TACR2: variants seen among roughly 807,000 people sequenced by gnomAD.
TACR2 encodes the protein tachykinin receptor 2, also known as substance-K receptor.
In TACR2, 24 loss-of-function variants were observed where a neutral mutation model predicts 28.9. The ratio of observed to expected loss-of-function variants is 0.83; its 90% CI spans 0.60 to 1.17. TACR2 has a LOEUF of 1.17. Ranked by LOEUF, TACR2 falls within the 50% of genes most tolerant of loss-of-function variation. The pLI is 0.00. For missense variants in TACR2, 487 were observed against 524.4 expected, an observed-to-expected ratio of 0.93 and a Z score of 0.70; for synonymous variants, 222 against 212.6, an observed-to-expected ratio of 1.04 and a Z score of -0.38.
intron 3 of TACR2, 138 bp from the exon 4 acceptor site, chr10:69,407,418 C>T: frequency 1.2e-6 from 1 of 844,404 alleles, no homozygotes. Flanking sequence ...TTACTCAGGC[C>T]TCTGAGCATG....
rs1334439122 is a variant in TACR2 at position 69,403,931 on chromosome 10, C to T, written c.*895G>A. ...ATACAAATGTGGATTTATAGCTTCT[C>T]TTGAAAGATTTAGAAGATCTAGCAA... On this transcript the variant is annotated 3_prime_UTR_variant, in exon 5 of 5. Transcript: ENST00000373306. 1 of 152,220 alleles carries T rather than the reference C, an allele frequency of 6.6e-6. No individual in the cohort carries two copies. The highest frequency in any genetic ancestry group is 1.5e-5 in the Non-Finnish European group (1 of 68,040). The allele number at this position is 152,220 out of a possible 1,614,324, so 9.4% of individuals were successfully genotyped here.
intron 2 of TACR2, chr10:69,409,289 A>C: frequency 2.4e-6 from 1 of 420,252 alleles, no homozygotes; most frequent in East Asian, 3.7e-5. Flanking sequence ...AAGGGACGCC[A>C]GCAGTAGCCC....
intron 2 of TACR2, among the ~76,000 whole-genome samples, chr10:69,414,072 C>G (rs1484185345): frequency 6.6e-6 from 1 of 152,182 alleles, no homozygotes; most frequent in Non-Finnish European, 1.5e-5. Context: ...TTAGCCTCTA[C>G]CAAGCAATGG....
At chr10:69,415,404 G>A (rs890312983) in intron 1 of TACR2, among the ~76,000 whole-genome samples, 3 of 152,144 alleles carry the variant, frequency 2.0e-5, no homozygotes, top group African/African-American at 4.8e-5. Context: ...GCCCGTGGAC[G>A]GCCACAAGAA....
At chr10:69,408,812 TCCC>T in intron 3 of TACR2, 107 bp downstream of exon 3, 1 of 37,988 alleles carries the variant, frequency 2.6e-5, no homozygotes, top group African/African-American at 1.0e-4. Context: ...CCCGCCCCCG[TCCC>T]ACCCCCGTCC....
At chr10:69,411,113 C>A (rs1254955300) in intron 2 of TACR2, among the ~76,000 whole-genome samples, 2 of 152,168 alleles carry the variant, frequency 1.3e-5, no homozygotes, top group Admixed American at 1.3e-4. Flanking sequence ...CTGGTCCCGT[C>A]ATTTGACTTT....
chr10:69,405,711 G>A (rs1840495984), intron 4 of TACR2, among the ~76,000 whole-genome samples: 1 of 152,204 alleles, frequency 6.6e-6, no homozygotes, highest in Non-Finnish European at 1.5e-5. Flanking sequence ...AGTGATGTCA[G>A]GATCTTGTAG....
chr10:69,414,988 C>A lies in TACR2; in HGVS notation c.544G>T (p.Val182Leu), dbSNP rs758569718. ...CCGCTGTCTTCGGGCCAGGCCACCACGCACTTGGTGGCACCCTGGTCCATG... is the reference window on the plus strand; with the variant it reads ...CCGCTGTCTTCGGGCCAGGCCACCAAGCACTTGGTGGCACCCTGGTCCATG... ...VTMDQGATKCVVAWPEDSGGK... is the reference protein window; with the variant it reads ...VTMDQGATKCLVAWPEDSGGK... The change falls in exon 2 of 5, where the codon GTG (valine) becomes TTG (leucine). Residue 182 changes from valine to leucine, a missense_variant. Coordinates refer to ENST00000373306, the MANE Select transcript of TACR2 (RefSeq NM_001057.3). The A allele has an allele frequency of 6.2e-7, 1 of 1,613,692 alleles. No individual in the cohort carries two copies. Among genetic ancestry groups the A allele is most frequent in the Non-Finnish European group, 8.5e-7 (1 of 1,179,938 alleles).
chr10:69,409,890 C>CATATATATATAT (rs1390944288), intron 2 of TACR2, among the ~76,000 whole-genome samples: 1 of 35,348 alleles, frequency 2.8e-5, no homozygotes, highest in African/African-American at 1.5e-4. Context: ...TACATATATA[C>CATATATATATAT]ATATATATAT....
At position 69,409,859 on chromosome 10, in the gene TACR2, GTATATGTATATATATATATATACATATA is replaced by G. The variant is rs1162384509; in HGVS notation, c.588-812_588-785del. ...TGTATACGTATACGTATATGTATAT[GTATATGTATATATATATATATACATATA>G]TACATATATATATATACATATATAT... is the stretch of plus-strand genomic sequence containing the variant. On this transcript the variant is annotated intron_variant, in intron 2 of 4. Transcript: ENST00000373306. 1.8e-3 allele frequency among the ~76,000 whole-genome samples: 129 copies of G among 70,012 alleles called. 1 individual carries two copies. Among genetic ancestry groups the G allele is most frequent in the African/African-American group, 7.1e-3 (118 of 16,560 alleles). 45.9% of individuals were successfully genotyped at this position (70,012 alleles called of 152,430 possible). A position where few individuals can be genotyped will look rare whatever the true frequency, so the allele number is the denominator to read the frequency against.
Position 69,416,612 on chromosome 10 carries a change from G to A in TACR2, c.-289C>T, listed in dbSNP as rs201417766. The stretch of plus-strand genomic sequence containing the variant: ...ACAGAATTCAAATCACAGTGTCAGA[G>A]CAGAAAACACCCTTATAAATCAACC... On this transcript the variant is annotated 5_prime_UTR_variant, in exon 1 of 5. Coordinates refer to ENST00000373306, the MANE Select transcript of TACR2 (RefSeq NM_001057.3). The A allele has an allele frequency of 5.6e-6, 2 of 356,326 alleles. No individual in the cohort carries two copies. The highest frequency in any genetic ancestry group is 1.0e-5 in the Non-Finnish European group (2 of 198,046). 22.1% of individuals were successfully genotyped at this position (356,326 alleles called of 1,614,324 possible).
intron 1 of TACR2, 144 bp from the exon 2 acceptor site, chr10:69,415,283 C>T (rs557524330): frequency 2.6e-5 from 24 of 938,678 alleles, no homozygotes; most frequent in African/African-American, 1.7e-4. Context: ...TAGTATCAGC[C>T]GACCTGCAGA....
intron 2 of TACR2, among the ~76,000 whole-genome samples, chr10:69,413,045 G>A (rs1310070436): frequency 6.6e-6 from 1 of 152,126 alleles, no homozygotes; most frequent in African/African-American, 2.4e-5. Flanking sequence ...TGGCCAGGCT[G>A]GTCTTGAACC....
Position 69,404,927 on chromosome 10 carries a change from AG to A in TACR2, c.1095del (p.Ser366ProfsTer45). 1 of 1,614,036 alleles carries A rather than the reference AG, an allele frequency of 6.2e-7. No individual in the cohort carries two copies. The highest frequency in any genetic ancestry group is 1.3e-5 in the African/African-American group (1 of 75,042). On this transcript the variant is annotated frameshift_variant, in exon 5 of 5. Transcript: ENST00000373306. LOFTEE classifies it high-confidence loss of function. ...ETLFMAGDTA[P>X]SEATSGEAGR... ...CCCGCCTCCCCACTGGTAGCCTCGGAGGGGGCTGTGTCCCCAGCCATGAACA... is the reference window on the plus strand; with the variant it reads ...CCCGCCTCCCCACTGGTAGCCTCGGAGGGGCTGTGTCCCCAGCCATGAACA...
chr10:69,411,537 T>G (rs1840569590), intron 2 of TACR2, among the ~76,000 whole-genome samples: 2 of 152,158 alleles, frequency 1.3e-5, no homozygotes, highest in African/African-American at 4.8e-5. Context: ...TCCAAGAGTT[T>G]GAACCTCCCC....
intron 2 of TACR2, among the ~76,000 whole-genome samples, chr10:69,409,890 C>CATATATACAT (rs1840549136): frequency 2.8e-5 from 1 of 35,350 alleles, no homozygotes; most frequent in Admixed American, 3.8e-4. Flanking sequence ...TACATATATA[C>CATATATACAT]ATATATATAT....
chr10:69,413,454 T>C (rs1240755332), intron 2 of TACR2, among the ~76,000 whole-genome samples: 1 of 152,138 alleles, frequency 6.6e-6, no homozygotes, highest in Non-Finnish European at 1.5e-5. Context: ...GTGGCCGGTC[T>C]CAATATGTTC....
At chr10:69,414,817 C>T (rs913230039) in intron 2 of TACR2, 128 bp downstream of exon 2, 1 of 978,918 alleles carries the variant, frequency 1.0e-6, no homozygotes, top group East Asian at 2.5e-5. Context: ...TGTACACTCA[C>T]TCATGTGTAC....
intron 1 of TACR2, 144 bp downstream of exon 1, chr10:69,415,788 T>C: frequency 2.1e-6 from 2 of 973,240 alleles, no homozygotes; most frequent in Non-Finnish European, 3.0e-6. Flanking sequence ...TCCAGATTCA[T>C]AGTTTTGGAC....
Sources: allele counts gnomAD v4.1 joint callset (sites outside exome capture counted in the v4.1 genomes callset), GRCh38; gene constraint gnomAD v4.1.1; transcripts MANE v1.5; gene names NCBI Gene and HGNC (gene_info 2026-07-23, HGNC 2026-07-21).